COBL: variants seen among roughly 807,000 people sequenced by gnomAD.
COBL encodes the protein cordon-bleu WH2 repeat protein.
In COBL, 51 loss-of-function variants were observed where a neutral mutation model predicts 98.8. The ratio of observed to expected loss-of-function variants is 0.52; its 90% CI spans 0.41 to 0.65. The LOEUF (loss-of-function observed/expected upper bound fraction) is 0.65. COBL is among the 30% of genes least tolerant of loss of function. The probability of loss-of-function intolerance (pLI) is 0.00; values close to 1 mark genes in which losing one functional copy is unlikely to be tolerated. For missense variants in COBL, 1,617 were observed against 1,617.5 expected, an observed-to-expected ratio of 1.00 and a Z score of 0.01; for synonymous variants, 634 against 651.7, an observed-to-expected ratio of 0.97 and a Z score of 0.41.
chr7:51,055,039 G>A (rs1259552028), intron 7 of COBL, among the ~76,000 whole-genome samples: 1 of 152,176 alleles, frequency 6.6e-6, no homozygotes, highest in Non-Finnish European at 1.5e-5. Flanking sequence ...TAGGAGCCAA[G>A]GGAGCAGGTT....
intron 1 of COBL, among the ~76,000 whole-genome samples, chr7:51,312,653 G>A (rs1198791812): frequency 6.6e-6 from 1 of 152,010 alleles, no homozygotes; most frequent in Non-Finnish European, 1.5e-5. Flanking sequence ...TTCATTCCCT[G>A]GATCCCAAAT....
intron 2 of COBL, among the ~76,000 whole-genome samples, chr7:51,200,800 T>C (rs1791045307): frequency 6.6e-6 from 1 of 152,162 alleles, no homozygotes; most frequent in Non-Finnish European, 1.5e-5. Flanking sequence ...AATTCAAATG[T>C]ACTAAACTCT....
chr7:51,222,104 A>C (rs1272370927), intron 1 of COBL, among the ~76,000 whole-genome samples: 7 of 152,152 alleles, frequency 4.6e-5, no homozygotes, highest in African/African-American at 1.7e-4. Flanking sequence ...CAGGAGAATC[A>C]CTTGAACCTG....
intron 1 of COBL, among the ~76,000 whole-genome samples, chr7:51,255,885 T>C (rs2129142233): frequency 6.6e-6 from 1 of 152,210 alleles, no homozygotes; most frequent in Non-Finnish European, 1.5e-5. Context: ...CAGCCCCTGC[T>C]TTGTCCCTTA....
intron 1 of COBL, among the ~76,000 whole-genome samples, chr7:51,291,330 G>A (rs1442476663): frequency 6.6e-6 from 1 of 152,192 alleles, no homozygotes; most frequent in South Asian, 2.1e-4. Context: ...CTAGCCAGGA[G>A]TCCTAGCACA....
intron 1 of COBL, among the ~76,000 whole-genome samples, chr7:51,238,607 T>A (rs577565289): frequency 6.6e-6 from 1 of 151,960 alleles, no homozygotes; most frequent in Non-Finnish European, 1.5e-5. Context: ...TCTTTTCTTA[T>A]GTTAAAGCAA....
At chr7:51,116,460 T>C (rs1016400894) in intron 6 of COBL, among the ~76,000 whole-genome samples, 7 of 152,166 alleles carry the variant, frequency 4.6e-5, no homozygotes, top group African/African-American at 1.2e-4. Flanking sequence ...AGCCCTTCCA[T>C]GCTTTATGCT....
At chr7:51,172,488 T>C (rs1312347294) in intron 5 of COBL, 1 of 1,288,036 alleles carries the variant, frequency 7.8e-7, no homozygotes, top group Non-Finnish European at 1.0e-6. Context: ...GCCCTGGAGG[T>C]GTCCTCATCG....
intron 10 of COBL, 133 bp downstream of exon 10, chr7:51,027,579 A>G (rs1787697963): frequency 2.7e-6 from 2 of 748,432 alleles, no homozygotes; most frequent in Admixed American, 5.6e-5. Flanking sequence ...AGTTAAAATG[A>G]AACCTGTGTG....
chr7:51,092,257 A>G (rs1338537372), intron 6 of COBL, among the ~76,000 whole-genome samples: 1 of 152,220 alleles, frequency 6.6e-6, no homozygotes, highest in Non-Finnish European at 1.5e-5. Flanking sequence ...GTCTTCCACA[A>G]AACTGGTCCC....
In COBL at chr7:51,219,767, C is replaced by T. The variant is rs1337334873; in HGVS notation, c.219G>A (p.Leu73=). The change falls in exon 2 of 13, where the codon CTG becomes CTA. Residue 73 remains leucine, a synonymous_variant. Coordinates refer to ENST00000265136, the MANE Select transcript of COBL (RefSeq NM_015198.5). ...MDVTVVLPSG[L]EKRSVLNGSH... ...TCCCATTGAGCACGCTCCTCTTCTC[C>T]AGCCCACTAGGCAGGACCACGGTGA... 1.9e-6 allele frequency: 3 copies of T among 1,614,104 alleles called. No homozygotes were observed. Among genetic ancestry groups the T allele is most frequent in the Admixed American group, 3.3e-5 (2 of 60,010 alleles).
chr7:51,114,182 G>A (rs544984193), intron 6 of COBL, among the ~76,000 whole-genome samples: 9 of 152,040 alleles, frequency 5.9e-5, no homozygotes, highest in Non-Finnish European at 1.0e-4. Flanking sequence ...AAGCTGGGGC[G>A]GCCCCTCCAA....
chr7:51,173,008 C>T (rs1054742801), intron 5 of COBL, among the ~76,000 whole-genome samples: 2 of 151,906 alleles, frequency 1.3e-5, no homozygotes, highest in African/African-American at 2.4e-5. Flanking sequence ...AGGCTGTTCT[C>T]GAACTCCTGA....
At position 51,316,599 on chromosome 7, in the gene COBL, G is replaced by A; in HGVS notation, c.35C>T (p.Pro12Leu). The change falls in exon 1 of 13, where the codon CCG becomes CTG. Residue 12 changes from proline to leucine, a missense_variant. By Grantham distance (98) the Pro-to-Leu change is moderately conservative. Around this residue, in one of 3 missense-constraint regions of COBL, gnomAD observed 238 missense variants for 215.0 expected, o/e 1.11. Transcript: ENST00000265136. Reference protein sequence around the residue: ...DAPRASAAKPPTGRKMKARAP... With the variant: ...DAPRASAAKPLTGRKMKARAP... ...CGACCGCGGGGCCGCTTACCCGGTC[G>A]GGGGCTTGGCCGCCGAGGCGCGCGG... is the stretch of plus-strand genomic sequence containing the variant. The A allele has an allele frequency of 8.3e-7, 1 of 1,205,536 alleles. No homozygotes were observed. Among genetic ancestry groups the A allele is most frequent in the Non-Finnish European group, 1.0e-6 (1 of 971,228 alleles). 74.7% of individuals were successfully genotyped at this position (1,205,536 alleles called of 1,614,324 possible).
chr7:51,248,314 G>C (rs1032516205), intron 1 of COBL, among the ~76,000 whole-genome samples: 2 of 152,070 alleles, frequency 1.3e-5, no homozygotes, highest in Non-Finnish European at 2.9e-5. Flanking sequence ...TAAGAGATAC[G>C]ATTTTATGGG....
Position 51,056,851 on chromosome 7 carries a change from G to A in COBL, c.1097-13159C>T, listed in dbSNP as rs886609369. On this transcript the variant is annotated intron_variant, in intron 7 of 12. Coordinates refer to ENST00000265136, the MANE Select transcript of COBL (RefSeq NM_015198.5). ...CACACACACACACACACACACACAC[G>A]GCAAAAACCATCATAGTAGTCCCTC... 1.6e-4 allele frequency among the ~76,000 whole-genome samples: 9 copies of A among 56,668 alleles called. No individual in the cohort carries two copies. The South Asian group carries it at 2.0e-3, about 12-fold the overall frequency. 37.2% of individuals were successfully genotyped at this position (56,668 alleles called of 152,430 possible). A position where few individuals can be genotyped will look rare whatever the true frequency, so the allele number is the denominator to read the frequency against.
intron 5 of COBL, among the ~76,000 whole-genome samples, chr7:51,153,273 T>C (rs181627845): frequency 2.8e-4 from 42 of 152,346 alleles, no homozygotes; most frequent in African/African-American, 9.6e-4. Flanking sequence ...CTCAATAATA[T>C]AGTACTGTTA....
chr7:51,081,849 C>T lies in COBL; in HGVS notation c.1096+3317G>A, dbSNP rs547129596. On this transcript the variant is annotated intron_variant, in intron 7 of 12. Coordinates refer to ENST00000265136, the MANE Select transcript of COBL (RefSeq NM_015198.5). ...GGCCTTGGTGTGTGGGGCTTAAAAC[C>T]CACTGTCTTCAGAGATGAAATGGCT... Among the ~76,000 whole-genome samples the T allele has an allele frequency of 3.9e-4, 60 of 152,164 alleles. No individual in the cohort carries two copies. The South Asian group carries it at 0.01, about 26-fold the overall frequency.
intron 7 of COBL, chr7:51,065,585 G>A (rs1362887668): frequency 9.9e-6 from 6 of 603,820 alleles, no homozygotes; most frequent in Non-Finnish European, 1.8e-5. Context: ...CCAGAAAGGT[G>A]GCAGGGCCCA....
Sources: gnomAD v4.1 joint callset for allele counts (sites outside exome capture counted in the v4.1 genomes callset) on GRCh38, gnomAD v4.1.1 for gene constraint, gnomAD v4.1.1 regional missense constraint, MANE v1.5 for transcripts, NCBI Gene and HGNC (gene_info 2026-07-23, HGNC 2026-07-21) for gene names.